CLRN3: variants seen among roughly 807,000 people sequenced by gnomAD.
CLRN3 encodes the protein clarin 3, also known as clarin-3.
In CLRN3, 12 loss-of-function variants were observed where a neutral mutation model predicts 16.7. That is an observed-to-expected ratio of 0.72 (90% CI 0.46 to 1.16). CLRN3 has a LOEUF of 1.16. Among genes scored for constraint, CLRN3 ranks in the 50% most tolerant of loss-of-function variants. The pLI is 0.00. For missense variants in CLRN3, 296 were observed against 274.2 expected, an observed-to-expected ratio of 1.08 and a Z score of -0.56; for synonymous variants, 118 against 113.0, an observed-to-expected ratio of 1.04 and a Z score of -0.28.
Position 127,878,076 on chromosome 10 carries a change from C to T in CLRN3, c.*73G>A. 6.5e-7 allele frequency: 1 copy of T among 1,541,892 alleles called. No individual in the cohort carries two copies. The highest frequency in any genetic ancestry group is 8.9e-7 in the Non-Finnish European group (1 of 1,128,926). The stretch of plus-strand genomic sequence containing the variant: ...AGTCACGTTACCATGCTGAATTGTC[C>T]AGAGAAGCTAACCAGTTACTACTCA... On this transcript the variant is annotated 3_prime_UTR_variant, in exon 3 of 3. Transcript: ENST00000368671.
intron 1 of CLRN3, among the ~76,000 whole-genome samples, chr10:127,891,018 T>A (rs1299822789): frequency 6.6e-6 from 1 of 152,154 alleles, no homozygotes; most frequent in Non-Finnish European, 1.5e-5. Context: ...AAGGTCAGAA[T>A]GTGGCTCCCC....
At position 127,878,019 on chromosome 10, in the gene CLRN3, T is replaced by C; in HGVS notation, c.*130A>G. ...AGTACAGCATCAATGAAGAACACAGTGTCATGAAACACAAATGCTGTCACA... is the reference window on the plus strand; with the variant it reads ...AGTACAGCATCAATGAAGAACACAGCGTCATGAAACACAAATGCTGTCACA... On this transcript the variant is annotated 3_prime_UTR_variant, in exon 3 of 3. Transcript: ENST00000368671. 1 of 1,146,346 alleles carries C rather than the reference T, an allele frequency of 8.7e-7. No homozygotes were observed. The highest frequency in any genetic ancestry group is 1.2e-6 in the Non-Finnish European group (1 of 812,734). 71.0% of individuals were successfully genotyped at this position (1,146,346 alleles called of 1,614,324 possible). A position where few individuals can be genotyped will look rare whatever the true frequency, so the allele number is the denominator to read the frequency against.
intron 1 of CLRN3, 112 bp downstream of exon 1, chr10:127,892,443 TA>T (rs1472285529): frequency 1.5e-6 from 1 of 689,030 alleles, no homozygotes; most frequent in Non-Finnish European, 2.5e-6. Flanking sequence ...ACCTTCAGCC[TA>T]ACCCAAAACT....
chr10:127,883,393 C>G (rs1845153249), intron 2 of CLRN3, among the ~76,000 whole-genome samples: 1 of 152,150 alleles, frequency 6.6e-6, no homozygotes, highest in South Asian at 2.1e-4. Context: ...ATGGCAGGAG[C>G]CCGGTCAATA....
At chr10:127,881,692 C>G (rs540684223) in intron 2 of CLRN3, among the ~76,000 whole-genome samples, 1 of 152,338 alleles carries the variant, frequency 6.6e-6, no homozygotes, top group East Asian at 1.9e-4. Context: ...GGGAGAAGGG[C>G]AATGCCAGTG....
chr10:127,884,549 C>T (rs897061769), intron 1 of CLRN3, among the ~76,000 whole-genome samples: 3 of 152,242 alleles, frequency 2.0e-5, no homozygotes, highest in Non-Finnish European at 2.9e-5. Flanking sequence ...GCTGGGAATT[C>T]GCCCATGAGT....
intron 2 of CLRN3, among the ~76,000 whole-genome samples, chr10:127,882,432 C>A (rs1845139234): frequency 6.6e-6 from 1 of 152,208 alleles, no homozygotes; most frequent in Admixed American, 6.5e-5. Context: ...GTGCTGGGGC[C>A]AGTTTGTACA....
At chr10:127,884,971 A>T (rs1406820185) in intron 1 of CLRN3, among the ~76,000 whole-genome samples, 2 of 152,250 alleles carry the variant, frequency 1.3e-5, no homozygotes, top group African/African-American at 2.4e-5. Context: ...AGGCCACAGC[A>T]ACATCACTGG....
intron 1 of CLRN3, among the ~76,000 whole-genome samples, chr10:127,886,630 G>A (rs572294897): frequency 2.6e-5 from 4 of 152,344 alleles, no homozygotes; most frequent in South Asian, 2.1e-4. Context: ...GCCTCACAGC[G>A]GTTGGCATGG....
chr10:127,877,917 T>C lies in CLRN3; in HGVS notation c.*232A>G. 1.9e-6 allele frequency: 1 copy of C among 532,926 alleles called. No individual in the cohort carries two copies. Among genetic ancestry groups the C allele is most frequent in the Non-Finnish European group, 3.4e-6 (1 of 296,716 alleles). 33.0% of individuals were successfully genotyped at this position (532,926 alleles called of 1,614,324 possible). On this transcript the variant is annotated 3_prime_UTR_variant, in exon 3 of 3. Coordinates refer to ENST00000368671, the MANE Select transcript of CLRN3 (RefSeq NM_152311.5). ...AGAAGGGTCGTTACGCTCATCATGA[T>C]ACTACTGCTTTGAATACCACACAGA...
chr10:127,886,532 A>AG (rs1487503014), intron 1 of CLRN3, among the ~76,000 whole-genome samples: 1 of 152,208 alleles, frequency 6.6e-6, no homozygotes, highest in Non-Finnish European at 1.5e-5. Context: ...TGGTAACCCA[A>AG]GGGTTCTGGC....
chr10:127,878,056 C>A lies in CLRN3; in HGVS notation c.*93G>T. 1 of 1,424,324 alleles carries A rather than the reference C, an allele frequency of 7.0e-7. No homozygotes were observed. The highest frequency in any genetic ancestry group is 9.6e-7 in the Non-Finnish European group (1 of 1,037,152). The allele number at this position is 1,424,324 out of a possible 1,614,324, so 88.2% of individuals were successfully genotyped here. ...CAAATGCTGTCACAGATGACAGTCA[C>A]GTTACCATGCTGAATTGTCCAGAGA... On this transcript the variant is annotated 3_prime_UTR_variant, in exon 3 of 3. Transcript: ENST00000368671.
Position 127,892,885 on chromosome 10 carries a change from A to G in CLRN3, c.-101T>C. 1.4e-6 allele frequency: 1 copy of G among 691,494 alleles called. No homozygotes were observed. The highest frequency in any genetic ancestry group is 2.5e-6 in the Non-Finnish European group (1 of 400,328). 42.8% of individuals were successfully genotyped at this position (691,494 alleles called of 1,614,324 possible). On this transcript the variant is annotated 5_prime_UTR_variant, in exon 1 of 3. Coordinates refer to ENST00000368671, the MANE Select transcript of CLRN3 (RefSeq NM_152311.5). ...AGTCTGGTATTTAGAAATGGAGTCT[A>G]ACACTTTATTGTCAAATATAAAATC...
At chr10:127,879,821 C>T (rs1171705952) in intron 2 of CLRN3, among the ~76,000 whole-genome samples, 1 of 152,152 alleles carries the variant, frequency 6.6e-6, no homozygotes, top group Non-Finnish European at 1.5e-5. Flanking sequence ...GATAAGGATG[C>T]CTATGTTCCA....
intron 1 of CLRN3, 160 bp from the exon 2 acceptor site, chr10:127,884,035 T>G: frequency 3.0e-6 from 2 of 668,606 alleles, no homozygotes; most frequent in Non-Finnish European, 5.3e-6. Flanking sequence ...AAGACCCGCA[T>G]TCCCCACTGG....
Position 127,883,720 on chromosome 10 carries a change from C to A in CLRN3, c.385G>T (p.Val129Leu), listed in dbSNP as rs750283151. Residue 129 changes from valine to leucine, a missense_variant, in exon 2 of 3, where the codon GTG becomes TTG. By Grantham distance (32) the Val-to-Leu change is conservative. Transcript: ENST00000368671. ...PYQTFLGPTG[V>L]YTWNGLGASF... Reference sequence around the variant, plus strand: ...CCACCGAGCCCGTTCCAGGTGTACACCCCCGTCGGCCCCAGGAATGTCTGG... The same window carrying A: ...CCACCGAGCCCGTTCCAGGTGTACAACCCCGTCGGCCCCAGGAATGTCTGG... 7.4e-6 allele frequency: 12 copies of A among 1,613,414 alleles called. No individual in the cohort carries two copies. The highest frequency in any genetic ancestry group is 1.7e-5 in the Admixed American group (1 of 60,002).
In CLRN3 at chr10:127,878,059, T is replaced by A. The variant is rs1382360521; in HGVS notation, c.*90A>T. On this transcript the variant is annotated 3_prime_UTR_variant, in exon 3 of 3. Coordinates refer to ENST00000368671, the MANE Select transcript of CLRN3 (RefSeq NM_152311.5). ...ATGCTGTCACAGATGACAGTCACGT[T>A]ACCATGCTGAATTGTCCAGAGAAGC... is the stretch of plus-strand genomic sequence containing the variant. 1 of 1,444,966 alleles carries A rather than the reference T, an allele frequency of 6.9e-7. No individual in the cohort carries two copies. Among genetic ancestry groups the A allele is most frequent in the African/African-American group, 1.4e-5 (1 of 71,248 alleles). 89.5% of individuals were successfully genotyped at this position (1,444,966 alleles called of 1,614,324 possible).
intron 1 of CLRN3, among the ~76,000 whole-genome samples, chr10:127,884,117 T>C (rs1051759857): frequency 4.6e-5 from 7 of 152,208 alleles, no homozygotes; most frequent in African/African-American, 7.2e-5. Context: ...TTTATGCTGA[T>C]TTTGAAGTCT....
At chr10:127,884,609 T>C (rs578123765) in intron 1 of CLRN3, among the ~76,000 whole-genome samples, 2 of 152,268 alleles carry the variant, frequency 1.3e-5, no homozygotes, top group South Asian at 4.1e-4. Flanking sequence ...CCTAACAGCA[T>C]TGGATGAATT....
Sources: gnomAD v4.1 joint callset for allele counts (sites outside exome capture counted in the v4.1 genomes callset) on GRCh38, gnomAD v4.1.1 for gene constraint, MANE v1.5 for transcripts, NCBI Gene and HGNC (gene_info 2026-07-23, HGNC 2026-07-21) for gene names.